RBFOX1: variants seen among roughly 807,000 people sequenced by gnomAD.
RBFOX1 encodes RNA binding fox-1 homolog 1, also known as RNA binding protein fox-1 homolog 1.
A neutral mutation model predicts 57.7 loss-of-function variants in RBFOX1; 8 were observed. The observed-to-expected ratio is 0.14, with a 90% CI of 0.08 to 0.25. The LOEUF is 0.25. Among genes scored for constraint, RBFOX1 ranks in the 10% least tolerant of loss-of-function variants. RBFOX1 has a pLI of 1.00. For synonymous variants in RBFOX1, 326 were observed against 222.4 expected, an observed-to-expected ratio of 1.47 and a Z score of -4.15; for missense variants, 611 against 548.5, an observed-to-expected ratio of 1.11 and a Z score of -1.14.
chr16:5,315,785 C>A (rs1375900919), intron 1 of RBFOX1, among the ~76,000 whole-genome samples: 1 of 152,180 alleles, frequency 6.6e-6, no homozygotes, highest in East Asian at 1.9e-4. Context: ...GAGCTCTTCT[C>A]CCTTTGGTGA....
intron 3 of RBFOX1, among the ~76,000 whole-genome samples, chr16:6,960,953 C>G (rs150749123): frequency 7.3e-6 from 1 of 136,224 alleles, no homozygotes; most frequent in Non-Finnish European, 1.5e-5. Flanking sequence ...CGTGATGAAA[C>G]TCCATCTCTA....
intron 3 of RBFOX1, among the ~76,000 whole-genome samples, chr16:6,785,744 C>G (rs541122648): frequency 1.3e-5 from 2 of 152,298 alleles, no homozygotes; most frequent in Admixed American, 6.5e-5. Flanking sequence ...ACCAATTCCA[C>G]TATTGTTATC....
At chr16:7,236,158 A>C (rs2093755992) in intron 4 of RBFOX1, among the ~76,000 whole-genome samples, 1 of 152,180 alleles carries the variant, frequency 6.6e-6, no homozygotes, top group South Asian at 2.1e-4. Flanking sequence ...AAACATTGCT[A>C]CTGTTAAGCA....
intron 1 of RBFOX1, among the ~76,000 whole-genome samples, chr16:5,374,225 A>G (rs1201256070): frequency 6.6e-6 from 1 of 152,240 alleles, no homozygotes; most frequent in African/African-American, 2.4e-5. Context: ...GGCGTGAGCC[A>G]TTGCACCTGG....
At chr16:6,447,978 GTCTCTC>G (rs3066907) in intron 2 of RBFOX1, among the ~76,000 whole-genome samples, 1 of 150,846 alleles carries the variant, frequency 6.6e-6, no homozygotes, top group African/African-American at 2.4e-5. Flanking sequence ...TCAGACAAGA[GTCTCTC>G]TCTCTCTCTC....
intron 1 of RBFOX1, among the ~76,000 whole-genome samples, chr16:5,466,628 C>G (rs1320985719): frequency 6.6e-6 from 1 of 152,176 alleles, no homozygotes; most frequent in Admixed American, 6.5e-5. Flanking sequence ...TAGAAAAACA[C>G]CTGAACTCTT....
rs536849312 is a variant in RBFOX1, at chr16:6,161,068, T to G, written c.-127+141076T>G. The stretch of plus-strand genomic sequence containing the variant: ...GCCCTGCCCCTTGAACAGGCTTTAA[T>G]AAATCATTGTTAAATAAATAAATGG... On this transcript the variant is annotated intron_variant, in intron 1 of 15. Transcript: ENST00000550418. Among the ~76,000 whole-genome samples the G allele has an allele frequency of 6.2e-4, 95 of 152,260 alleles. 1 individual carries two copies. The Middle Eastern group carries it at 0.017, about 27-fold the overall frequency.
chr16:5,441,858 A>G lies in RBFOX1; in HGVS notation c.220-25358A>G, dbSNP rs184353914. On this transcript the variant is annotated intron_variant, in intron 1 of 2. Coordinates refer to the RBFOX1 transcript ENST00000585867. The stretch of plus-strand genomic sequence containing the variant: ...TGAGAACTCACTCACTATCACGAAA[A>G]ACAGATAGGGGAAACTGACACCATG... Among the ~76,000 whole-genome samples the G allele has an allele frequency of 5.5e-3, 845 of 152,284 alleles. 5 individuals are homozygous for G. Among genetic ancestry groups the G allele is most frequent in the South Asian group, 0.011 (55 of 4,824 alleles).
intron 4 of RBFOX1, among the ~76,000 whole-genome samples, chr16:7,248,788 A>C (rs866503216): frequency 1.3e-4 from 20 of 152,242 alleles, no homozygotes; most frequent in African/African-American, 4.1e-4. Context: ...GAGATATATC[A>C]GGGAAAATGC....
chr16:6,256,149 A>ATATATATGTATATATATATG (rs1555582098), intron 1 of RBFOX1, among the ~76,000 whole-genome samples: 1 of 65,466 alleles, frequency 1.5e-5, no homozygotes, highest in African/African-American at 5.5e-5. Flanking sequence ...GTGTGTATAT[A>ATATATATGTATATATATATG]TATATATATG....
intron 10 of RBFOX1, among the ~76,000 whole-genome samples, chr16:7,629,151 C>T (rs1056821918): frequency 1.3e-5 from 2 of 152,082 alleles, no homozygotes; most frequent in East Asian, 1.9e-4. Flanking sequence ...AACCTCTGGC[C>T]CTGGGCTGCT....
rs1394212652 is a variant in RBFOX1, at chr16:5,537,454, G to C, written c.259-61448G>C. Among the ~76,000 whole-genome samples the C allele has an allele frequency of 3.3e-5, 5 of 152,336 alleles. No homozygotes were observed. The East Asian group carries it at 9.6e-4, about 29-fold the overall frequency. On this transcript the variant is annotated intron_variant, in intron 2 of 2. Coordinates refer to the RBFOX1 transcript ENST00000585867. Reference sequence around the variant, plus strand: ...TTATAGTTATGTAGGCCAGACATCTGGCATGGGTCTTACTGGGTTGAAGTC... The same window carrying C: ...TTATAGTTATGTAGGCCAGACATCTCGCATGGGTCTTACTGGGTTGAAGTC...
chr16:7,289,145 A>C (rs1291327572), intron 4 of RBFOX1, among the ~76,000 whole-genome samples: 1 of 152,198 alleles, frequency 6.6e-6, no homozygotes, highest in African/African-American at 2.4e-5. Context: ...TCTGTGGCTG[A>C]GTTACAAAGA....
At chr16:6,080,279 G>C (rs1200927638) in intron 1 of RBFOX1, among the ~76,000 whole-genome samples, 2 of 151,520 alleles carry the variant, frequency 1.3e-5, no homozygotes, top group Non-Finnish European at 2.9e-5. Flanking sequence ...GTTATGTAAA[G>C]GTGGTTAATA....
At chr16:6,916,663 C>A (rs2073239210) in intron 3 of RBFOX1, among the ~76,000 whole-genome samples, 1 of 152,036 alleles carries the variant, frequency 6.6e-6, no homozygotes, top group Non-Finnish European at 1.5e-5. Flanking sequence ...CACGACCTTC[C>A]CAGGTCGTCC....
intron 1 of RBFOX1, among the ~76,000 whole-genome samples, chr16:6,125,598 G>C (rs115831568): frequency 6.6e-6 from 1 of 152,298 alleles, no homozygotes; most frequent in South Asian, 2.1e-4. Flanking sequence ...CATGGGAATC[G>C]TGTACCCAAA....
chr16:5,901,653 G>A (rs770413276), intron 4 of RBFOX1, among the ~76,000 whole-genome samples: 2 of 152,168 alleles, frequency 1.3e-5, no homozygotes, highest in Non-Finnish European at 1.5e-5. Flanking sequence ...GGAGAGTAAG[G>A]ATATAGGAAA....
chr16:6,547,698 G>C (rs7184571), intron 2 of RBFOX1, among the ~76,000 whole-genome samples: 147,287 of 152,162 alleles, frequency 0.97, 71,479 homozygotes, highest in East Asian at 1. Flanking sequence ...GCTGATCTTT[G>C]TAAAGCAGAG....
intron 1 of RBFOX1, among the ~76,000 whole-genome samples, chr16:6,080,717 A>G (rs1448817800): frequency 6.6e-6 from 1 of 152,208 alleles, no homozygotes; most frequent in Non-Finnish European, 1.5e-5. Context: ...TATGAAAAGC[A>G]AGAGAAATAC....
Sources: allele counts gnomAD v4.1 joint callset (sites outside exome capture counted in the v4.1 genomes callset), GRCh38; gene constraint gnomAD v4.1.1; transcripts MANE v1.5; gene names NCBI Gene and HGNC (gene_info 2026-07-23, HGNC 2026-07-21).